The following PURG variants were observed in gnomAD, a reference collection of about 807,000 sequenced individuals.
PURG encodes the protein purine-rich element-binding protein gamma.
Under a neutral mutation model 24.3 loss-of-function variants are expected in PURG, and 3 were observed. That is an observed-to-expected ratio of 0.12 (90% CI 0.06 to 0.32). PURG has a LOEUF of 0.32. PURG is among the 10% of genes least tolerant of loss of function. The pLI, the probability that PURG is intolerant of heterozygous loss-of-function variation, is 1.00. For missense variants in PURG, 371 were observed against 439.1 expected, an observed-to-expected ratio of 0.84 and a Z score of 1.39; for synonymous variants, 180 against 173.1, an observed-to-expected ratio of 1.04 and a Z score of -0.31.
chr8:31,011,776 T>C (rs917128553), intron 1 of PURG, among the ~76,000 whole-genome samples: 1 of 152,168 alleles, frequency 6.6e-6, no homozygotes, highest in African/African-American at 2.4e-5. Context: ...AGTTATTGTA[T>C]CCCTAGACCC....
chr8:31,008,070 G>A (rs749230912), intron 1 of PURG, among the ~76,000 whole-genome samples: 3 of 152,046 alleles, frequency 2.0e-5, no homozygotes, highest in Non-Finnish European at 4.4e-5. Context: ...ATATTTGACT[G>A]AAAACAGTTT....
chr8:31,003,139 T>A (rs1035606490), intron 1 of PURG, among the ~76,000 whole-genome samples: 1 of 152,140 alleles, frequency 6.6e-6, no homozygotes, highest in African/African-American at 2.4e-5. Context: ...AAGTAGGTCA[T>A]GTGAAAGGGA....
At chr8:31,022,944 T>C (rs979201206) in intron 1 of PURG, among the ~76,000 whole-genome samples, 4 of 152,232 alleles carry the variant, frequency 2.6e-5, no homozygotes, top group Admixed American at 2.6e-4. Context: ...TGTTGTTTTA[T>C]TTTGCTCGGC....
chr8:31,030,111 A>G (rs1811165774), downstream of PURG, among the ~76,000 whole-genome samples: 1 of 151,978 alleles, frequency 6.6e-6, no homozygotes, highest in Admixed American at 6.6e-5. Flanking sequence ...CATACCATCA[A>G]GTTTTCTTAG....
intron 1 of PURG, among the ~76,000 whole-genome samples, chr8:31,008,625 T>C (rs547121386): frequency 6.6e-6 from 1 of 152,328 alleles, no homozygotes; most frequent in African/African-American, 2.4e-5. Flanking sequence ...TTAAGAGAAT[T>C]CTGGTTTACT....
intron 1 of PURG, among the ~76,000 whole-genome samples, chr8:31,025,816 T>G (rs961355445): frequency 2.0e-5 from 3 of 151,896 alleles, no homozygotes; most frequent in Non-Finnish European, 4.4e-5. Context: ...CATTAAAAAA[T>G]TATATTGACC....
intron 1 of PURG, among the ~76,000 whole-genome samples, chr8:31,012,617 G>A (rs1167635808): frequency 1.3e-5 from 2 of 152,214 alleles, no homozygotes; most frequent in Non-Finnish European, 2.9e-5. Flanking sequence ...AAGTTTCACT[G>A]ACTTCAGGGA....
At chr8:31,001,086 A>G (rs868550188) in intron 1 of PURG, among the ~76,000 whole-genome samples, 1 of 152,234 alleles carries the variant, frequency 6.6e-6, no homozygotes, top group Admixed American at 6.5e-5. Flanking sequence ...GAAGCTGCAG[A>G]TTTATAGAAA....
chr8:30,996,422 G>A, exon 2 of PURG: 1 of 485,952 alleles, frequency 2.1e-6, no homozygotes, highest in South Asian at 4.0e-5. Flanking sequence ...TCAATGTGGT[G>A]GAAATTATTC....
At chr8:31,005,565 C>T (rs1280355381) in intron 1 of PURG, among the ~76,000 whole-genome samples, 3 of 151,868 alleles carry the variant, frequency 2.0e-5, no homozygotes, top group Admixed American at 6.6e-5. Context: ...AAGTCAGGGT[C>T]GGGGGAGTGT....
intron 1 of PURG, chr8:30,996,774 C>T (rs1314136647): frequency 1.8e-6 from 2 of 1,096,950 alleles, no homozygotes; most frequent in Non-Finnish European, 2.7e-6. Context: ...CAGTACAAAC[C>T]CATAATTAAT....
chr8:31,022,928 T>C (rs1374259813), intron 1 of PURG, among the ~76,000 whole-genome samples: 1 of 152,266 alleles, frequency 6.6e-6, no homozygotes, highest in East Asian at 1.9e-4. Context: ...TCATTTTCTA[T>C]GGCTCTGTTG....
intron 1 of PURG, among the ~76,000 whole-genome samples, chr8:31,002,510 G>C (rs1301055183): frequency 6.6e-6 from 1 of 152,038 alleles, no homozygotes; most frequent in South Asian, 2.1e-4. Context: ...TTGAGACAGG[G>C]TCTCTCTCTG....
At chr8:31,009,357 T>C (rs1810721106) in intron 1 of PURG, among the ~76,000 whole-genome samples, 1 of 151,870 alleles carries the variant, frequency 6.6e-6, no homozygotes, top group Non-Finnish European at 1.5e-5. Flanking sequence ...ACCCGGGAGG[T>C]GGAGGTTGCA....
Position 31,032,593 on chromosome 8 carries a change from G to T in PURG, c.190C>A (p.Arg64=), listed in dbSNP as rs750628455. 2.1e-5 allele frequency: 34 copies of T among 1,610,514 alleles called. 1 individual carries two copies. In the Middle Eastern group the frequency reaches 3.1e-3, roughly 148 times the overall value. ...AAEIQELASK[R]VDIQKKRFYL... ...AACCTCTTTTTCTGGATGTCCACTCGTTTGGAGGCCAGCTCCTGGATTTCG... is the reference window on the plus strand; with the variant it reads ...AACCTCTTTTTCTGGATGTCCACTCTTTTGGAGGCCAGCTCCTGGATTTCG... Residue 64 remains arginine, a synonymous_variant, in exon 2 of 2, where the codon CGA becomes AGA. Coordinates refer to ENST00000523392, the MANE Select transcript of PURG (RefSeq NM_001323311.2). This position sits in a 1 kb window ranked among gnomAD's most constrained non-coding sequence, Gnocchi z 5.9.
intron 1 of PURG, among the ~76,000 whole-genome samples, chr8:31,019,079 G>T (rs1217386673): frequency 1.8e-5 from 2 of 112,466 alleles, no homozygotes; most frequent in Non-Finnish European, 3.3e-5. Context: ...AGCCGAGATC[G>T]CGCCACTGCA....
intron 1 of PURG, among the ~76,000 whole-genome samples, chr8:31,008,594 A>T (rs77260350): frequency 6.6e-6 from 1 of 152,104 alleles, no homozygotes; most frequent in Admixed American, 6.5e-5. Context: ...GAGCCACTGC[A>T]CCTGGTTGCA....
intron 1 of PURG, among the ~76,000 whole-genome samples, chr8:31,012,886 A>C (rs894708119): frequency 6.6e-6 from 1 of 152,216 alleles, no homozygotes; most frequent in African/African-American, 2.4e-5. Context: ...ATACACAACT[A>C]ATTTTTGGAG....
intron 1 of PURG, among the ~76,000 whole-genome samples, chr8:31,002,191 G>A (rs1478628261): frequency 6.6e-6 from 1 of 152,128 alleles, no homozygotes; most frequent in Non-Finnish European, 1.5e-5. Context: ...ATTAGGGCAG[G>A]AAAGCTAAGA....
Sources: gnomAD v4.1 joint callset for allele counts (sites outside exome capture counted in the v4.1 genomes callset) on GRCh38, gnomAD v4.1.1 for gene constraint, Gnocchi (gnomAD v3.1) non-coding constraint, MANE v1.5 for transcripts, NCBI Gene and HGNC (gene_info 2026-07-23, HGNC 2026-07-21) for gene names.